IFT81: variants seen among roughly 807,000 people sequenced by gnomAD.
IFT81 encodes the protein intraflagellar transport protein 81 homolog.
Under a neutral mutation model 102.6 loss-of-function variants are expected in IFT81, and 72 were observed. That is an observed-to-expected ratio of 0.70 (90% confidence interval 0.58 to 0.85). The LOEUF (loss-of-function observed/expected upper bound fraction) is 0.85, where lower values mean the gene tolerates loss of function less well. Ranked by LOEUF, IFT81 falls within the 40% of genes least tolerant of loss-of-function variation. The pLI is 0.00. For synonymous variants in IFT81, 237 were observed against 242.7 expected (o/e 0.98, Z 0.22); for missense variants, 723 against 787.3 (o/e 0.92, Z 0.98).
chr12:110,191,400 A>T (rs1418934205), intron 13 of IFT81, among the ~76,000 whole-genome samples: 1 of 151,696 alleles, frequency 6.6e-6, no homozygotes, highest in Admixed American at 6.6e-5. Context: ...CTACCTCCCG[A>T]CCTCAAGTGA....
At chr12:110,180,329 GA>G (rs1897271034) in intron 11 of IFT81, 92 bp from the exon 12 acceptor site, 2 of 636,074 alleles carry the variant, frequency 3.1e-6, no homozygotes, top group African/African-American at 3.7e-5. Context: ...AAGTAGAGAA[GA>G]AAAAATGTGA....
chr12:110,174,891 T>C (rs1896973619), intron 11 of IFT81, among the ~76,000 whole-genome samples: 1 of 152,212 alleles, frequency 6.6e-6, no homozygotes, highest in African/African-American at 2.4e-5. Context: ...AAAGCATTAG[T>C]CCATTACAAA....
rs768430090 is a variant in IFT81 at position 110,190,950 on chromosome 12, G to C, written c.1369G>C (p.Gly457Arg). The change falls in exon 13 of 19, where the codon GGA (glycine) becomes CGA (arginine). Residue 457 changes from glycine (G) to arginine (R), a missense_variant. Coordinates refer to ENST00000242591, the MANE Select transcript of IFT81 (RefSeq NM_014055.4). ...QTMEEKKGISGYSYTQEELER... is the reference protein window; with the variant it reads ...QTMEEKKGISRYSYTQEELER... ...TATGGAGGAGAAAAAGGGTATATCT[G>C]GATATAGTTACACCCAAGAAGAGCT... 1 of 1,597,730 alleles carries C rather than the reference G, an allele frequency of 6.3e-7. No homozygotes were observed. Among genetic ancestry groups the C allele is most frequent in the South Asian group, 1.1e-5 (1 of 87,596 alleles).
chr12:110,189,417 C>T (rs976679845), intron 12 of IFT81, among the ~76,000 whole-genome samples: 4 of 152,034 alleles, frequency 2.6e-5, no homozygotes, highest in African/African-American at 7.2e-5. Flanking sequence ...GGTGCAGTCT[C>T]GGCTCACTGC....
intron 12 of IFT81, among the ~76,000 whole-genome samples, chr12:110,184,200 A>C (rs888225425): frequency 6.6e-6 from 1 of 152,030 alleles, no homozygotes; most frequent in Non-Finnish European, 1.5e-5. Context: ...AATGCAAAAA[A>C]TTATCCGGGC....
chr12:110,169,723 C>T (rs1420057348), intron 11 of IFT81, among the ~76,000 whole-genome samples: 5 of 151,832 alleles, frequency 3.3e-5, no homozygotes, highest in African/African-American at 7.2e-5. Context: ...CCACCATGCC[C>T]GACTAATTTT....
chr12:110,178,620 T>TC (rs1228479927), intron 11 of IFT81, among the ~76,000 whole-genome samples: 2 of 142,696 alleles, frequency 1.4e-5, no homozygotes, highest in Non-Finnish European at 3.0e-5. Flanking sequence ...AGGCTAAGAT[T>TC]CTTTTTTTTT....
chr12:110,154,569 G>A (rs1484986989), intron 10 of IFT81, among the ~76,000 whole-genome samples: 1 of 149,414 alleles, frequency 6.7e-6, no homozygotes, highest in Non-Finnish European at 1.5e-5. Context: ...AGAGGTTGCA[G>A]TGAGTCAAGA....
intron 8 of IFT81, among the ~76,000 whole-genome samples, chr12:110,140,274 C>T (rs542803312): frequency 4.5e-4 from 69 of 152,244 alleles, no homozygotes; most frequent in African/African-American, 1.7e-3. Context: ...CCCTTTCCTC[C>T]CATGCCCTAA....
intron 8 of IFT81, among the ~76,000 whole-genome samples, chr12:110,140,900 T>TA (rs1894850046): frequency 6.6e-6 from 1 of 151,824 alleles, no homozygotes; most frequent in African/African-American, 2.4e-5. Context: ...ATTTTGTATA[T>TA]TTTTTTAGTA....
At chr12:110,200,053 A>G (rs1190716485) in intron 14 of IFT81, among the ~76,000 whole-genome samples, 1 of 152,216 alleles carries the variant, frequency 6.6e-6, no homozygotes, top group East Asian at 1.9e-4. Context: ...AAGGGTAGCC[A>G]TAATGTTACC....
chr12:110,200,344 A>G (rs908452365), intron 14 of IFT81, among the ~76,000 whole-genome samples: 4 of 152,344 alleles, frequency 2.6e-5, no homozygotes, highest in African/African-American at 7.2e-5. Flanking sequence ...GCATGTGACT[A>G]TACTGAATAC....
chr12:110,158,158 C>A (rs1895945656), intron 10 of IFT81, among the ~76,000 whole-genome samples: 1 of 152,104 alleles, frequency 6.6e-6, no homozygotes, highest in South Asian at 2.1e-4. Context: ...GCAACCTCCA[C>A]CTCCTGGGTT....
chr12:110,216,469 AC>A (rs1870138140), intron 18 of IFT81: 2 of 452,762 alleles, frequency 4.4e-6, no homozygotes, highest in Admixed American at 2.4e-5. Context: ...TGCTGGAATT[AC>A]AGGTGTGAGT....
At chr12:110,166,540 C>T (rs1039084749) in intron 11 of IFT81, among the ~76,000 whole-genome samples, 3 of 151,958 alleles carry the variant, frequency 2.0e-5, no homozygotes, top group African/African-American at 7.2e-5. Flanking sequence ...TATGTTATCT[C>T]ACAATATACC....
intron 11 of IFT81, among the ~76,000 whole-genome samples, chr12:110,165,029 G>A (rs2137449659): frequency 6.6e-6 from 1 of 152,066 alleles, no homozygotes; most frequent in East Asian, 1.9e-4. Flanking sequence ...CCTAGTGCCA[G>A]GTTATTAGCC....
intron 12 of IFT81, among the ~76,000 whole-genome samples, chr12:110,187,025 C>A (rs564127731): frequency 2.0e-5 from 3 of 149,612 alleles, no homozygotes; most frequent in African/African-American, 7.4e-5. Context: ...TGCTATTTTT[C>A]CAGTTGATTA....
chr12:110,207,556 CTT>C (rs896586216), intron 17 of IFT81, among the ~76,000 whole-genome samples: 413 of 97,068 alleles, frequency 4.3e-3, no homozygotes, highest in Non-Finnish European at 6.3e-3. Flanking sequence ...GTCCTTCAGT[CTT>C]TTTTTTTTTT....
intron 10 of IFT81, among the ~76,000 whole-genome samples, chr12:110,150,506 T>C (rs946015550): frequency 9.2e-5 from 14 of 152,340 alleles, no homozygotes; most frequent in African/African-American, 3.4e-4. Context: ...TCAGGACTAC[T>C]TGGTTTTACT....
Sources: gnomAD v4.1 joint callset for allele counts (sites outside exome capture counted in the v4.1 genomes callset) on GRCh38, gnomAD v4.1.1 for gene constraint, MANE v1.5 for transcripts, NCBI Gene and HGNC (gene_info 2026-07-23, HGNC 2026-07-21) for gene names.